The following BRINP3 variants were observed in gnomAD, a reference collection of about 807,000 sequenced individuals.
BRINP3 encodes the protein BMP/retinoic acid-inducible neural-specific protein 3.
BRINP3 carries 19 observed loss-of-function variants against 71.0 expected under a neutral mutation model. The ratio of observed to expected loss-of-function variants is 0.27; its 90% confidence interval spans 0.19 to 0.39. BRINP3 has a LOEUF of 0.39. Ranked by LOEUF, BRINP3 falls within the 10% of genes least tolerant of loss-of-function variation. The pLI, the probability that BRINP3 is intolerant of heterozygous loss-of-function variation, is 1.00. For synonymous variants in BRINP3, 380 were observed against 337.7 expected (o/e 1.13, Z -1.37); for missense variants, 959 against 940.8 (o/e 1.02, Z -0.25).
chr1:190,416,572 G>C (rs1483211870), intron 2 of BRINP3, among the ~76,000 whole-genome samples: 1 of 152,042 alleles, frequency 6.6e-6, no homozygotes, highest in Non-Finnish European at 1.5e-5. Flanking sequence ...TAGTGTAGTA[G>C]GTGTCCACAG....
At position 190,176,304 on chromosome 1, in the gene BRINP3, A is replaced by G. The variant is rs560123147; in HGVS notation, c.962-15414T>C. ...GAGATGTGGGCTAGTATGTTAATCA[A>G]TTTCAGTTATGGCTCCCATTGGTCT... On this transcript the variant is annotated intron_variant, in intron 6 of 7. Coordinates refer to ENST00000367462, the MANE Select transcript of BRINP3 (RefSeq NM_199051.3). Among the ~76,000 whole-genome samples, 6 of 152,280 alleles carry G rather than the reference A, an allele frequency of 3.9e-5. No individual in the cohort carries two copies. In the East Asian group the frequency reaches 5.8e-4, roughly 15 times the overall value.
intron 2 of BRINP3, among the ~76,000 whole-genome samples, chr1:190,332,023 T>A (rs991369957): frequency 1.3e-5 from 2 of 152,020 alleles, no homozygotes; most frequent in Non-Finnish European, 1.5e-5. Flanking sequence ...TATCAGACTA[T>A]TTGAATCTAA....
intron 6 of BRINP3, among the ~76,000 whole-genome samples, chr1:190,198,621 G>A (rs528499425): frequency 7.0e-4 from 107 of 152,120 alleles, no homozygotes; most frequent in African/African-American, 2.4e-3. Context: ...AAATCTCTAG[G>A]GCAGGAGCAA....
intron 6 of BRINP3, among the ~76,000 whole-genome samples, chr1:190,162,062 A>C (rs1651039106): frequency 6.6e-6 from 1 of 152,178 alleles, no homozygotes; most frequent in South Asian, 2.1e-4. Context: ...TTTTATCTGA[A>C]AAAAGAAGGA....
chr1:190,229,600 G>C (rs1289442302), intron 5 of BRINP3, among the ~76,000 whole-genome samples: 1 of 148,168 alleles, frequency 6.7e-6, no homozygotes, highest in African/African-American at 2.5e-5. Context: ...TCAGGATTTA[G>C]TTACTAGATG....
At chr1:190,309,528 T>A (rs1388776832) in intron 2 of BRINP3, among the ~76,000 whole-genome samples, 1 of 151,894 alleles carries the variant, frequency 6.6e-6, no homozygotes, top group Non-Finnish European at 1.5e-5. Flanking sequence ...TAGAGAAGTG[T>A]GATTAACTTT....
At chr1:190,365,331 C>T (rs776598777) in intron 2 of BRINP3, among the ~76,000 whole-genome samples, 32 of 151,950 alleles carry the variant, frequency 2.1e-4, no homozygotes, top group South Asian at 1.0e-3. Context: ...CCGTTGTATG[C>T]ACATTCATAT....
chr1:190,314,476 G>A (rs1336537612), intron 2 of BRINP3, among the ~76,000 whole-genome samples: 2 of 152,048 alleles, frequency 1.3e-5, no homozygotes, highest in Non-Finnish European at 1.5e-5. Flanking sequence ...TTGAAGTAGA[G>A]GAAAGGAACA....
intron 2 of BRINP3, among the ~76,000 whole-genome samples, chr1:190,360,818 C>G (rs1410848902): frequency 6.6e-6 from 1 of 152,118 alleles, no homozygotes; most frequent in South Asian, 2.1e-4. Flanking sequence ...CTGCAGTTTT[C>G]TCAGGGAACT....
chr1:190,444,721 A>G (rs1289642932), intron 2 of BRINP3, among the ~76,000 whole-genome samples: 1 of 152,006 alleles, frequency 6.6e-6, no homozygotes, highest in Non-Finnish European at 1.5e-5. Context: ...TTTGTAGCAG[A>G]GACGGGGTTT....
chr1:190,401,828 C>T (rs530957004), intron 2 of BRINP3, among the ~76,000 whole-genome samples: 23 of 152,148 alleles, frequency 1.5e-4, no homozygotes, highest in African/African-American at 5.3e-4. Context: ...AATTTTTACT[C>T]ACTTATATTA....
intron 2 of BRINP3, among the ~76,000 whole-genome samples, chr1:190,380,431 A>G (rs1670474488): frequency 6.6e-6 from 1 of 152,174 alleles, no homozygotes; most frequent in South Asian, 2.1e-4. Context: ...GATGTCAACA[A>G]AGTAGATGGA....
At chr1:190,216,621 C>G (rs541620051) in intron 6 of BRINP3, among the ~76,000 whole-genome samples, 2 of 151,830 alleles carry the variant, frequency 1.3e-5, no homozygotes, top group Non-Finnish European at 3.0e-5. Context: ...CAAAATGAAT[C>G]AAATATAATC....
intron 2 of BRINP3, among the ~76,000 whole-genome samples, chr1:190,441,004 T>C (rs994471012): frequency 2.6e-5 from 4 of 152,006 alleles, no homozygotes; most frequent in African/African-American, 9.6e-5. Context: ...AAAAAACAAA[T>C]AGTGAAATTC....
intron 2 of BRINP3, among the ~76,000 whole-genome samples, chr1:190,286,814 C>CTA (rs932234293): frequency 6.6e-6 from 1 of 152,034 alleles, no homozygotes; most frequent in Non-Finnish European, 1.5e-5. Flanking sequence ...ATAACGATAA[C>CTA]ATTCTAATTA....
rs187488382 is a variant in BRINP3, at chr1:190,277,558, A to C, written c.427+4002T>G. Among the ~76,000 whole-genome samples the C allele has an allele frequency of 7.2e-5, 11 of 151,866 alleles. No homozygotes were observed. In the East Asian group the frequency reaches 2.1e-3, roughly 30 times the overall value. On this transcript the variant is annotated intron_variant, in intron 3 of 7. Coordinates refer to ENST00000367462, the MANE Select transcript of BRINP3 (RefSeq NM_199051.3). ...GTGTTTTGTCTTTTAAAATTGATCC[A>C]GAACACAGTTTTGTTGCATTATAGT...
At chr1:190,162,214 T>TG (rs1199375061) in intron 6 of BRINP3, among the ~76,000 whole-genome samples, 1 of 149,784 alleles carries the variant, frequency 6.7e-6, no homozygotes, top group Non-Finnish European at 1.5e-5. Context: ...TTTTTTGAGA[T>TG]GGGGTTTTGC....
Position 190,226,139 on chromosome 1 carries a change from T to C in BRINP3, c.904A>G (p.Asn302Asp). The C allele has an allele frequency of 6.2e-6, 10 of 1,611,826 alleles. No homozygotes were observed. The highest frequency in any genetic ancestry group is 8.5e-6 in the Non-Finnish European group (10 of 1,178,622). Residue 302 changes from asparagine (N) to aspartate (D), a missense_variant, in exon 6 of 8, where the codon AAT (asparagine) becomes GAT (aspartate). Asn to Asp is a conservative substitution (Grantham distance 23, BLOSUM62 1). Coordinates refer to ENST00000367462, the MANE Select transcript of BRINP3 (RefSeq NM_199051.3). ...PSMDIQAMEE[N>D]LLRITETWKA... ...CAGGTTTCAGTTATTCGAAGAAGAT[T>C]CTCTTCCATGGCTTGAATGTCCATG...
At chr1:190,135,299 G>A (rs10920601) in intron 7 of BRINP3, among the ~76,000 whole-genome samples, 21,623 of 151,988 alleles carry the variant, frequency 0.14, 2,623 homozygotes, top group African/African-American at 0.29. Context: ...GCTCTTTTAT[G>A]GAAATGTTTC....
Sources: allele counts gnomAD v4.1 joint callset (sites outside exome capture counted in the v4.1 genomes callset), GRCh38; gene constraint gnomAD v4.1.1; transcripts MANE v1.5; gene names NCBI Gene and HGNC (gene_info 2026-07-23, HGNC 2026-07-21).